The following SUPT5H variants were observed in gnomAD, a reference collection of about 807,000 sequenced individuals.
SUPT5H encodes transcription elongation factor SPT5.
Under a neutral mutation model 142.5 loss-of-function variants are expected in SUPT5H, and 24 were observed. That is an observed-to-expected ratio of 0.17 (90% confidence interval 0.12 to 0.24). The LOEUF (loss-of-function observed/expected upper bound fraction) is 0.24, where lower values mean the gene tolerates loss of function less well. Among genes scored for constraint, SUPT5H ranks in the 10% least tolerant of loss-of-function variants. The probability of loss-of-function intolerance (pLI) is 1.00; values close to 1 mark genes in which losing one functional copy is unlikely to be tolerated. For synonymous variants in SUPT5H, 546 were observed against 553.0 expected, an observed-to-expected ratio of 0.99 and a Z score of 0.18; for missense variants, 893 against 1,471.8, an observed-to-expected ratio of 0.61 and a Z score of 6.43.
rs1250566903 is a variant in SUPT5H at position 39,458,571 on chromosome 19, C to A, written c.320-247C>A. On this transcript the variant is annotated intron_variant, in intron 5 of 29. Transcript: ENST00000432763. This position sits in a 1 kb window ranked among gnomAD's most constrained non-coding sequence, Gnocchi z 4.2. ...GGGGTGGGGTGCAGTCCAGGGTGTG[C>A]CTGGACTTTGAGATGGGAACAGCTG... 44 of 731,220 alleles carry A rather than the reference C, an allele frequency of 6.0e-5. No individual in the cohort carries two copies. The South Asian group carries it at 7.8e-4, about 13-fold the overall frequency. 45.3% of individuals were successfully genotyped at this position (731,220 alleles called of 1,614,324 possible). A position where few individuals can be genotyped will look rare whatever the true frequency, so the allele number is the denominator to read the frequency against.
rs2079369315 is a variant in SUPT5H at position 39,474,224 on chromosome 19, G to C, written c.2652-10G>C. 6.2e-7 allele frequency: 1 copy of C among 1,613,734 alleles called. No homozygotes were observed. Among genetic ancestry groups the C allele is most frequent in the Non-Finnish European group, 8.5e-7 (1 of 1,179,958 alleles). ...TCCAACAAATGCCCCCTTCTCTCCT[G>C]TCTCTGCAGGTACAACACAGACCAG... On this transcript the variant is annotated splice_polypyrimidine_tract_variant and intron_variant, in intron 26 of 29. Transcript: ENST00000432763. The surrounding 1 kb of genome is among the most constrained non-coding windows in gnomAD (Gnocchi z 6.5).
In SUPT5H at chr19:39,453,112, C is replaced by G. The variant is rs141666811; in HGVS notation, c.76-244C>G. On this transcript the variant is annotated intron_variant, in intron 2 of 29. Coordinates refer to ENST00000432763, the MANE Select transcript of SUPT5H (RefSeq NM_001111020.3). ...ACTCGGTGGAAAGTGAGCAAGAGGT[C>G]TAGTGCAGGGAGAAGCCCGGGTCAA... Among the ~76,000 whole-genome samples the G allele has an allele frequency of 1.5e-3, 223 of 151,752 alleles. 2 individuals carry two copies. Among genetic ancestry groups the G allele is most frequent in the African/African-American group, 5.2e-3 (216 of 41,348 alleles).
chr19:39,458,230 GC>G lies in SUPT5H; in HGVS notation c.308-61del. The G allele has an allele frequency of 6.7e-7, 1 of 1,501,632 alleles. No homozygotes were observed. 93.0% of individuals were successfully genotyped at this position (1,501,632 alleles called of 1,614,324 possible). ...TTTGGCTCATACTTTGTCTGCCCTC[GC>G]CCACCACCACCACCACCACCACCAC... is the stretch of plus-strand genomic sequence containing the variant. On this transcript the variant is annotated intron_variant, in intron 4 of 29. Coordinates refer to ENST00000432763, the MANE Select transcript of SUPT5H (RefSeq NM_001111020.3). This position sits in a 1 kb window ranked among gnomAD's most constrained non-coding sequence, Gnocchi z 4.2.
rs1435956863 is a variant in SUPT5H, at chr19:39,466,305, T to C, written c.877-175T>C. Among the ~76,000 whole-genome samples, 1 of 152,158 alleles carries C rather than the reference T, an allele frequency of 6.6e-6. No homozygotes were observed. The highest frequency in any genetic ancestry group is 1.5e-5 in the Non-Finnish European group (1 of 68,008). ...TACCAAGCAGGCAGTGGCTACTCAG[T>C]GCCAGAGTTGAGGGGACAGACAAGC... On this transcript the variant is annotated intron_variant, in intron 11 of 29. Transcript: ENST00000432763. This position sits in a 1 kb window ranked among gnomAD's most constrained non-coding sequence, Gnocchi z 4.3.
Position 39,473,888 on chromosome 19 carries a change from G to T in SUPT5H, c.2493-75G>T. The T allele has an allele frequency of 6.3e-7, 1 of 1,593,916 alleles. No individual in the cohort carries two copies. The highest frequency in any genetic ancestry group is 1.3e-5 in the African/African-American group (1 of 74,614). On this transcript the variant is annotated intron_variant, in intron 25 of 29. Transcript: ENST00000432763. The surrounding 1 kb of genome is among the most constrained non-coding windows in gnomAD (Gnocchi z 5.8). ...ATGAAATTGCTTCAGTTGGGGGTCTGGTGTAGGGTGCTGTTCTGGAAGCAT... is the reference window on the plus strand; with the variant it reads ...ATGAAATTGCTTCAGTTGGGGGTCTTGTGTAGGGTGCTGTTCTGGAAGCAT...
At chr19:39,447,762 G>T (rs1011723592) in intron 2 of SUPT5H, among the ~76,000 whole-genome samples, 3 of 152,110 alleles carry the variant, frequency 2.0e-5, no homozygotes, top group Admixed American at 2.0e-4. Flanking sequence ...TTTGTTTGTT[G>T]AACAAATCAG....
rs377087269 is a variant in SUPT5H, at chr19:39,458,794, C to T, written c.320-24C>T. 19 of 1,598,130 alleles carry T rather than the reference C, an allele frequency of 1.2e-5. No homozygotes were observed. Among genetic ancestry groups the T allele is most frequent in the Admixed American group, 6.8e-5 (4 of 58,962 alleles). On this transcript the variant is annotated intron_variant, in intron 5 of 29. Coordinates refer to ENST00000432763, the MANE Select transcript of SUPT5H (RefSeq NM_001111020.3). This position sits in a 1 kb window ranked among gnomAD's most constrained non-coding sequence, Gnocchi z 4.2. ...CCTGCCCTCCACCTGCCCTTGCTCACGCCCTCTGCCCATTATTTTTCAGCC... is the reference window on the plus strand; with the variant it reads ...CCTGCCCTCCACCTGCCCTTGCTCATGCCCTCTGCCCATTATTTTTCAGCC...
chr19:39,466,206 G>A lies in SUPT5H; in HGVS notation c.877-274G>A, dbSNP rs184127701. Among the ~76,000 whole-genome samples the A allele has an allele frequency of 3.4e-4, 52 of 152,244 alleles. No homozygotes were observed. The South Asian group carries it at 7.9e-3, about 23-fold the overall frequency. ...AGAGGGAAGAATGGAGTGGGAGGCGGCAGGTTTGGGGGAATCAGCGGTTTG... is the reference window on the plus strand; with the variant it reads ...AGAGGGAAGAATGGAGTGGGAGGCGACAGGTTTGGGGGAATCAGCGGTTTG... On this transcript the variant is annotated intron_variant, in intron 11 of 29. Coordinates refer to ENST00000432763, the MANE Select transcript of SUPT5H (RefSeq NM_001111020.3). This position sits in a 1 kb window ranked among gnomAD's most constrained non-coding sequence, Gnocchi z 4.3.
At chr19:39,471,958 G>T (rs1401285502) in intron 20 of SUPT5H, 8 of 629,064 alleles carry the variant, frequency 1.3e-5, no homozygotes, top group Non-Finnish European at 2.1e-5. Flanking sequence ...TTAGGTGCCA[G>T]ACACTGGAGA....
intron 3 of SUPT5H, among the ~76,000 whole-genome samples, chr19:39,454,640 G>A (rs993553109): frequency 1.3e-5 from 2 of 152,010 alleles, no homozygotes; most frequent in Admixed American, 1.3e-4. Flanking sequence ...ATGCCTGGCC[G>A]CACTTTTTTT....
At chr19:39,454,754 A>G (rs1000554567) in intron 3 of SUPT5H, among the ~76,000 whole-genome samples, 3 of 152,096 alleles carry the variant, frequency 2.0e-5, no homozygotes, top group African/African-American at 4.8e-5. Flanking sequence ...TCCCTTACCT[A>G]TGGGAAGAGG....
Position 39,458,509 on chromosome 19 carries a change from G to C in SUPT5H, c.319+204G>C, listed in dbSNP as rs1483733090. ...GACCTGGGAAAGCACGGATGTGTCT[G>C]TCTGGGACTGAGCATTTGTGGGTGG... On this transcript the variant is annotated intron_variant, in intron 5 of 29. Transcript: ENST00000432763. This position sits in a 1 kb window ranked among gnomAD's most constrained non-coding sequence, Gnocchi z 4.2. 2 of 989,148 alleles carry C rather than the reference G, an allele frequency of 2.0e-6. No individual in the cohort carries two copies. The highest frequency in any genetic ancestry group is 3.0e-6 in the Non-Finnish European group (2 of 667,696). 61.3% of individuals were successfully genotyped at this position (989,148 alleles called of 1,614,324 possible).
At chr19:39,457,873 C>G (rs1272621903) in intron 4 of SUPT5H, 133 bp downstream of exon 4, 2 of 1,465,878 alleles carry the variant, frequency 1.4e-6, no homozygotes, top group Non-Finnish European at 1.9e-6. Context: ...TTCTTTCTGT[C>G]CTTCCCAGAG....
chr19:39,458,411 C>G lies in SUPT5H; in HGVS notation c.319+106C>G. 2 of 1,578,370 alleles carry G rather than the reference C, an allele frequency of 1.3e-6. No homozygotes were observed. The highest frequency in any genetic ancestry group is 1.7e-6 in the Non-Finnish European group (2 of 1,161,738). ...CGGTAGCCTCCCCACCAGCCCCGGT[C>G]TGGCCCTGAGGGCTCTGACCCATGT... On this transcript the variant is annotated intron_variant, in intron 5 of 29. Transcript: ENST00000432763. The surrounding 1 kb of genome is among the most constrained non-coding windows in gnomAD (Gnocchi z 4.2).
Position 39,472,337 on chromosome 19 carries a change from GGAT to G in SUPT5H, c.1951-66_1951-64del. 6.8e-7 allele frequency: 1 copy of G among 1,475,386 alleles called. No individual in the cohort carries two copies. The highest frequency in any genetic ancestry group is 9.5e-7 in the Non-Finnish European group (1 of 1,058,150). 91.4% of individuals were successfully genotyped at this position (1,475,386 alleles called of 1,614,324 possible). ...TGGTCTCCTCAGGGCCCTGCACGTGGGATGATGAGTTCCTGTGGTTTGTGGTTC... is the reference window on the plus strand; with the variant it reads ...TGGTCTCCTCAGGGCCCTGCACGTGGGATGAGTTCCTGTGGTTTGTGGTTC... On this transcript the variant is annotated intron_variant, in intron 20 of 29. Transcript: ENST00000432763. This position sits in a 1 kb window ranked among gnomAD's most constrained non-coding sequence, Gnocchi z 4.2.
chr19:39,448,939 C>CA (rs970313479), intron 2 of SUPT5H, among the ~76,000 whole-genome samples: 3 of 145,778 alleles, frequency 2.1e-5, no homozygotes, highest in Non-Finnish European at 4.5e-5. Flanking sequence ...ACTAAAAATA[C>CA]AAAAAATTAG....
Position 39,445,644 on chromosome 19 carries a change from G to C in SUPT5H, c.-88+7G>C, listed in dbSNP as rs749100331. 2 of 540,662 alleles carry C rather than the reference G, an allele frequency of 3.7e-6. No individual in the cohort carries two copies. The highest frequency in any genetic ancestry group is 3.3e-6 in the Non-Finnish European group (1 of 298,888). The allele number at this position is 540,662 out of a possible 1,614,324, so 33.5% of individuals were successfully genotyped here. A position where few individuals can be genotyped will look rare whatever the true frequency, so the allele number is the denominator to read the frequency against. On this transcript the variant is annotated splice_region_variant and intron_variant, in intron 1 of 29. Transcript: ENST00000432763. Reference sequence around the variant, plus strand: ...CGGAGGTGGAGCCCGAGAGGTAAGTGCGTGTGCAGAGGTGGCAGTTCCGGG... The same window carrying C: ...CGGAGGTGGAGCCCGAGAGGTAAGTCCGTGTGCAGAGGTGGCAGTTCCGGG...
In SUPT5H at chr19:39,464,805, A is replaced by G. The variant is rs1198821193; in HGVS notation, c.632A>G (p.Gln211Arg). 1.9e-6 allele frequency: 3 copies of G among 1,603,606 alleles called. No individual in the cohort carries two copies. The highest frequency in any genetic ancestry group is 2.6e-6 in the Non-Finnish European group (3 of 1,171,612). Residue 211 changes from glutamine to arginine, a missense_variant, in exon 11 of 30, where the codon CAG becomes CGG. Gln to Arg is a conservative substitution (Grantham distance 43). Coordinates refer to ENST00000432763, the MANE Select transcript of SUPT5H (RefSeq NM_001111020.3). ...CACCGGCTCACCCTGCAGCCCCTGC[A>G]GATCAAGTCAGTAGTGGCACCAGAG... ...IAYQFTDTPL[Q>R]IKSVVAPEHV...
At position 39,458,453 on chromosome 19, in the gene SUPT5H, G is replaced by A; in HGVS notation, c.319+148G>A. On this transcript the variant is annotated intron_variant, in intron 5 of 29. Transcript: ENST00000432763. This position sits in a 1 kb window ranked among gnomAD's most constrained non-coding sequence, Gnocchi z 4.2. ...GACCCATGTAGGATCCAGAGTCAGGGAGTTCTGGGGCCAGGTATACCCCAG... is the reference window on the plus strand; with the variant it reads ...GACCCATGTAGGATCCAGAGTCAGGAAGTTCTGGGGCCAGGTATACCCCAG... 1 of 1,399,352 alleles carries A rather than the reference G, an allele frequency of 7.1e-7. No individual in the cohort carries two copies. The allele number at this position is 1,399,352 out of a possible 1,614,324, so 86.7% of individuals were successfully genotyped here.
Sources: gnomAD v4.1 joint callset for allele counts (sites outside exome capture counted in the v4.1 genomes callset) on GRCh38, gnomAD v4.1.1 for gene constraint, Gnocchi (gnomAD v3.1) non-coding constraint, MANE v1.5 for transcripts, NCBI Gene and HGNC (gene_info 2026-07-23, HGNC 2026-07-21) for gene names.